SYTL4: variants seen among roughly 807,000 people sequenced by gnomAD.
The protein encoded by SYTL4 is synaptotagmin-like protein 4.
In SYTL4, 16 loss-of-function variants were observed where a neutral mutation model predicts 52.7. The ratio of observed to expected loss-of-function variants is 0.30; its 90% CI spans 0.21 to 0.46. The LOEUF (loss-of-function observed/expected upper bound fraction) is 0.46. Among genes scored for constraint, SYTL4 ranks in the 20% least tolerant of loss-of-function variants. SYTL4 has a pLI of 1.00. For missense variants in SYTL4, 423 were observed against 519.9 expected, an observed-to-expected ratio of 0.81 and a Z score of 1.81; for synonymous variants, 160 against 186.6, an observed-to-expected ratio of 0.86 and a Z score of 1.16.
At chrX:100,730,630 G>A (rs182188185) in intron 2 of SYTL4, among the ~76,000 whole-genome samples, 1 of 111,867 alleles carries the variant, frequency 8.9e-6, no homozygotes, top group East Asian at 2.8e-4. Flanking sequence ...CAGAGAGCCA[G>A]AATGCTACAT....
intron 2 of SYTL4, among the ~76,000 whole-genome samples, chrX:100,707,906 T>C (rs900443865): frequency 9.0e-6 from 1 of 111,558 alleles, no homozygotes; most frequent in South Asian, 3.8e-4. Context: ...AGCATCCTTG[T>C]GGGACCCATG....
At chrX:100,678,846 T>C in intron 18 of SYTL4, 1 of 362,398 alleles carries the variant, frequency 2.8e-6, no homozygotes, top group Non-Finnish European at 4.8e-6. Flanking sequence ...TATTCTGTGC[T>C]CCACTGAAAA....
At chrX:100,690,507 A>C in intron 10 of SYTL4, 56 bp downstream of exon 10, 1 of 991,219 alleles carries the variant, frequency 1.0e-6, no homozygotes, top group Non-Finnish European at 1.4e-6. Context: ...ACAGGAGGTA[A>C]AGGAGAAAGG....
At chrX:100,719,391 G>C (rs1290859708) in intron 2 of SYTL4, among the ~76,000 whole-genome samples, 6 of 111,175 alleles carry the variant, frequency 5.4e-5, no homozygotes, top group Non-Finnish European at 9.4e-5. Context: ...ACATTATACT[G>C]TCTCTTCATA....
At chrX:100,722,058 T>C (rs1247942415) in intron 2 of SYTL4, among the ~76,000 whole-genome samples, 5 of 111,449 alleles carry the variant, frequency 4.5e-5, no homozygotes, top group African/African-American at 1.6e-4. Flanking sequence ...CGCCTCAGCC[T>C]CCCAAAGTGC....
At chrX:100,720,638 G>C (rs1239997229) in intron 2 of SYTL4, among the ~76,000 whole-genome samples, 1 of 112,313 alleles carries the variant, frequency 8.9e-6, no homozygotes, top group Non-Finnish European at 1.9e-5. Flanking sequence ...CATGGTTCAT[G>C]ACTAATCCAG....
chrX:100,682,957 A>C (rs2083404609), intron 16 of SYTL4, among the ~76,000 whole-genome samples: 1 of 110,057 alleles, frequency 9.1e-6, no homozygotes, highest in Admixed American at 9.8e-5. Flanking sequence ...TTACTGAATG[A>C]AGGTAAGAGT....
At chrX:100,722,123 C>T (rs2084353755) in intron 2 of SYTL4, among the ~76,000 whole-genome samples, 1 of 111,492 alleles carries the variant, frequency 9.0e-6, no homozygotes, top group Non-Finnish European at 1.9e-5. Flanking sequence ...TTCAACTGCA[C>T]TCTTGTCAAT....
chrX:100,724,757 C>A (rs747530262), intron 2 of SYTL4, among the ~76,000 whole-genome samples: 97 of 107,171 alleles, frequency 9.1e-4, no homozygotes, highest in African/African-American at 3.3e-3. Context: ...GTCCTCTGGC[C>A]TAGGAAAACC....
intron 16 of SYTL4, among the ~76,000 whole-genome samples, chrX:100,683,451 T>C (rs766217667): frequency 2.7e-5 from 3 of 111,013 alleles, no homozygotes; most frequent in East Asian, 5.7e-4. Flanking sequence ...CCTGTGTTAA[T>C]TGGGGTTCCT....
rs769142694 is a variant in SYTL4 at position 100,716,562 on chromosome X, A to G, written c.-239-11676T>C. 1.0e-3 allele frequency among the ~76,000 whole-genome samples: 111 copies of G among 106,438 alleles called. 1 individual carries two copies. The South Asian group carries it at 0.016, about 16-fold the overall frequency. The allele number at this position is 106,438 out of a possible 115,157, so 92.4% of individuals were successfully genotyped here. On this transcript the variant is annotated intron_variant, in intron 2 of 19. Transcript: ENST00000372989. The stretch of plus-strand genomic sequence containing the variant: ...TGCAAAACTTAAAAAAAAAAAAAAA[A>G]AAAAGAAAAAAACTCAAGTAGAAAA...
At chrX:100,728,839 C>T (rs1185892576) in intron 2 of SYTL4, among the ~76,000 whole-genome samples, 1 of 110,999 alleles carries the variant, frequency 9.0e-6, no homozygotes, top group Admixed American at 9.6e-5. Context: ...AGATCGAGAC[C>T]ATCCTGGCTA....
intron 12 of SYTL4, among the ~76,000 whole-genome samples, chrX:100,689,198 C>G (rs2083537475): frequency 2.0e-5 from 2 of 100,590 alleles, no homozygotes; most frequent in South Asian, 1.0e-3. Context: ...TACAGTGAGA[C>G]TCCCATCTCT....
intron 2 of SYTL4, among the ~76,000 whole-genome samples, chrX:100,727,700 G>A (rs901775424): frequency 1.8e-5 from 2 of 112,075 alleles, no homozygotes; most frequent in Non-Finnish European, 3.8e-5. Flanking sequence ...GGAGACGTGT[G>A]GCAGAACACA....
intron 2 of SYTL4, among the ~76,000 whole-genome samples, chrX:100,709,773 T>C (rs999817412): frequency 4.4e-5 from 5 of 112,675 alleles, no homozygotes; most frequent in African/African-American, 1.6e-4. Flanking sequence ...AGTTTGTATA[T>C]GTTCATTTGT....
At chrX:100,711,334 A>G (rs899353581) in intron 2 of SYTL4, among the ~76,000 whole-genome samples, 5 of 112,271 alleles carry the variant, frequency 4.5e-5, no homozygotes, top group African/African-American at 1.6e-4. Flanking sequence ...AATATGATCC[A>G]TAATAATGAG....
At chrX:100,690,017 G>T (rs2147719489) in intron 11 of SYTL4, 58 bp from the exon 12 acceptor site, 1 of 1,152,293 alleles carries the variant, frequency 8.7e-7, no homozygotes, top group Non-Finnish European at 1.2e-6. Flanking sequence ...CATACCAAGA[G>T]CCCATCAAGG....
At chrX:100,723,653 G>A (rs765007674) in intron 2 of SYTL4, among the ~76,000 whole-genome samples, 211 of 109,931 alleles carry the variant, frequency 1.9e-3, no homozygotes, top group African/African-American at 6.8e-3. Context: ...GTCTCTGCCC[G>A]GCCGCCCATC....
intron 2 of SYTL4, among the ~76,000 whole-genome samples, chrX:100,723,610 C>CCCGG (rs1380438208): frequency 9.0e-6 from 1 of 110,675 alleles, no homozygotes; most frequent in African/African-American, 3.3e-5. Flanking sequence ...AGCGCCTCAT[C>CCCGG]CCGGCCGCCA....
Sources: allele counts gnomAD v4.1 joint callset (sites outside exome capture counted in the v4.1 genomes callset), GRCh38; gene constraint gnomAD v4.1.1; transcripts MANE v1.5; gene names NCBI Gene and HGNC (gene_info 2026-07-23, HGNC 2026-07-21).